AKT3: variants seen among roughly 807,000 people sequenced by gnomAD.
AKT3 encodes RAC-gamma serine/threonine-protein kinase.
Under a neutral mutation model 65.3 loss-of-function variants are expected in AKT3, and 15 were observed. The observed-to-expected ratio is 0.23, with a 90% CI of 0.15 to 0.35. The LOEUF (loss-of-function observed/expected upper bound fraction) is 0.35. Ranked by LOEUF, AKT3 falls within the 10% of genes least tolerant of loss-of-function variation. The pLI is 1.00. For missense variants in AKT3, 243 were observed against 576.5 expected (o/e 0.42, Z 5.92); for synonymous variants, 206 against 183.8 (o/e 1.12, Z -0.98).
chr1:243,648,965 T>C (rs920037709), intron 4 of AKT3, among the ~76,000 whole-genome samples: 1 of 152,154 alleles, frequency 6.6e-6, no homozygotes, highest in Non-Finnish European at 1.5e-5. Context: ...ATTTTTCTGG[T>C]TTCTTAAGAT....
intron 2 of AKT3, among the ~76,000 whole-genome samples, chr1:243,831,726 G>A (rs1426369811): frequency 5.3e-5 from 8 of 152,070 alleles, no homozygotes; most frequent in Non-Finnish European, 2.9e-5. Context: ...CACAGTGTGA[G>A]GATTCCACAA....
At chr1:243,826,582 T>C (rs1483774730) in intron 2 of AKT3, among the ~76,000 whole-genome samples, 2 of 152,234 alleles carry the variant, frequency 1.3e-5, no homozygotes, top group South Asian at 2.1e-4. Context: ...TGAACAGAGA[T>C]GTAATGCCCA....
intron 8 of AKT3, among the ~76,000 whole-genome samples, chr1:243,582,574 A>G (rs997423243): frequency 2.6e-5 from 4 of 152,168 alleles, no homozygotes; most frequent in African/African-American, 9.7e-5. Context: ...ATTTGTTACA[A>G]CTAGACCAGC....
chr1:243,690,590 C>T (rs1684626049), intron 3 of AKT3, among the ~76,000 whole-genome samples: 1 of 152,052 alleles, frequency 6.6e-6, no homozygotes, highest in Non-Finnish European at 1.5e-5. Flanking sequence ...GAAGGGTGAA[C>T]GTCAAATATT....
chr1:243,576,953 A>AT (rs759102760), intron 8 of AKT3, among the ~76,000 whole-genome samples: 7 of 152,250 alleles, frequency 4.6e-5, no homozygotes, highest in Non-Finnish European at 8.8e-5. Context: ...AGCTGGAGCC[A>AT]TCACACTACC....
At position 243,693,381 on chromosome 1, in the gene AKT3, T is replaced by C. The variant is rs532314218; in HGVS notation, c.172+2210A>G. Among the ~76,000 whole-genome samples the C allele has an allele frequency of 3.3e-5, 5 of 149,420 alleles. No homozygotes were observed. In the South Asian group the frequency reaches 1.1e-3, roughly 32 times the overall value. ...GGGGCTAGGGCAAAGGAAAAAGCAATGGTGAAGTAACCCTCTCTTGCACCA... is the reference window on the plus strand; with the variant it reads ...GGGGCTAGGGCAAAGGAAAAAGCAACGGTGAAGTAACCCTCTCTTGCACCA... On this transcript the variant is annotated intron_variant, in intron 3 of 13. Coordinates refer to ENST00000673466, the MANE Select transcript of AKT3 (RefSeq NM_005465.7).
chr1:243,719,615 T>G (rs1237528380), intron 2 of AKT3, among the ~76,000 whole-genome samples: 1 of 152,180 alleles, frequency 6.6e-6, no homozygotes, highest in Non-Finnish European at 1.5e-5. Flanking sequence ...AAGTTTTGTT[T>G]CTGGCTCATG....
intron 8 of AKT3, among the ~76,000 whole-genome samples, chr1:243,593,680 A>T (rs978738328): frequency 6.6e-6 from 1 of 152,320 alleles, no homozygotes; most frequent in Non-Finnish European, 1.5e-5. Context: ...CGACAGAGTG[A>T]GACTCCGTGT....
In AKT3 at chr1:243,843,106, T is replaced by A. The variant is rs1382025970; in HGVS notation, c.46+19A>T. On this transcript the variant is annotated intron_variant, in intron 2 of 13. Transcript: ENST00000673466. ...GCACTCTTACCAACCGTATTATTTT[T>A]GGTTTGCGGAGCACTTACCCCTCTT... The A allele has an allele frequency of 6.2e-7, 1 of 1,613,466 alleles. No homozygotes were observed. Among genetic ancestry groups the A allele is most frequent in the Non-Finnish European group, 8.5e-7 (1 of 1,179,588 alleles).
chr1:243,812,913 G>A (rs1369771959), intron 2 of AKT3, among the ~76,000 whole-genome samples: 5 of 151,268 alleles, frequency 3.3e-5, no homozygotes, highest in African/African-American at 7.3e-5. Flanking sequence ...GCAAACTATC[G>A]CAAGCACAAA....
intron 4 of AKT3, among the ~76,000 whole-genome samples, chr1:243,649,645 T>C (rs1484363267): frequency 1.3e-5 from 2 of 152,126 alleles, no homozygotes; most frequent in East Asian, 3.9e-4. Flanking sequence ...CTCCCACTTA[T>C]GAATGAGAAC....
chr1:243,632,924 G>C (rs1679712488), intron 6 of AKT3, among the ~76,000 whole-genome samples: 1 of 152,152 alleles, frequency 6.6e-6, no homozygotes, highest in South Asian at 2.1e-4. Context: ...CTCTGGATTA[G>C]GCTTTGGCTT....
In AKT3 at chr1:243,745,591, C is replaced by G. The variant is rs146328226; in HGVS notation, c.47-49875G>C. 4.4e-3 allele frequency among the ~76,000 whole-genome samples: 677 copies of G among 152,246 alleles called. 3 individuals are homozygous for G. Among genetic ancestry groups the G allele is most frequent in the African/African-American group, 0.015 (631 of 41,532 alleles). ...GAATTTGTCCCTATTCCCTTTAAAC[C>G]AAGCTTGTCCAACCTGTGACCCTCA... On this transcript the variant is annotated intron_variant, in intron 2 of 13. Transcript: ENST00000673466.
At chr1:243,729,764 C>T (rs1462720247) in intron 2 of AKT3, among the ~76,000 whole-genome samples, 1 of 152,088 alleles carries the variant, frequency 6.6e-6, no homozygotes, top group Non-Finnish European at 1.5e-5. Flanking sequence ...ATTAAGGAGA[C>T]ATAAAATATT....
intron 10 of AKT3, among the ~76,000 whole-genome samples, chr1:243,557,498 C>A (rs1673487512): frequency 6.6e-6 from 1 of 151,892 alleles, no homozygotes; most frequent in African/African-American, 2.4e-5. Flanking sequence ...GTAAAAGATG[C>A]CACTTATAAA....
At chr1:243,831,816 A>G (rs553351427) in intron 2 of AKT3, among the ~76,000 whole-genome samples, 1 of 152,136 alleles carries the variant, frequency 6.6e-6, no homozygotes, top group African/African-American at 2.4e-5. Context: ...CTCCCCCCCA[A>G]CAAGATACAA....
intron 2 of AKT3, among the ~76,000 whole-genome samples, chr1:243,830,169 G>A (rs1457521428): frequency 6.6e-6 from 1 of 152,102 alleles, no homozygotes; most frequent in African/African-American, 2.4e-5. Flanking sequence ...TCCCTAAACA[G>A]GACAGTGTAA....
At chr1:243,582,315 TA>T (rs964149639) in intron 8 of AKT3, among the ~76,000 whole-genome samples, 1 of 150,124 alleles carries the variant, frequency 6.7e-6, no homozygotes, top group African/African-American at 2.4e-5. Context: ...AGGTCAACAC[TA>T]AAGAAAAAAA....
chr1:243,585,686 T>A (rs1201147934), intron 8 of AKT3, among the ~76,000 whole-genome samples: 1 of 152,140 alleles, frequency 6.6e-6, no homozygotes, highest in African/African-American at 2.4e-5. Context: ...TGGTGAGCCA[T>A]ACGCAGAGGA....
Sources: allele counts gnomAD v4.1 joint callset (sites outside exome capture counted in the v4.1 genomes callset), GRCh38; gene constraint gnomAD v4.1.1; transcripts MANE v1.5; gene names NCBI Gene and HGNC (gene_info 2026-07-23, HGNC 2026-07-21).